The following BTG4 variants were observed in gnomAD, a reference collection of about 807,000 sequenced individuals.
The protein encoded by BTG4 is protein BTG4.
A neutral mutation model predicts 19.3 loss-of-function variants in BTG4; 10 were observed. The ratio of observed to expected loss-of-function variants is 0.52; its 90% confidence interval spans 0.32 to 0.88. The LOEUF (loss-of-function observed/expected upper bound fraction) is 0.88. Ranked by LOEUF, BTG4 falls within the 40% of genes least tolerant of loss-of-function variation. BTG4 has a pLI of 0.04. For missense variants in BTG4, 238 were observed against 281.9 expected (o/e 0.84, Z 1.11); for synonymous variants, 91 against 95.7 (o/e 0.95, Z 0.29).
the BTG4 span, among the ~76,000 whole-genome samples, chr11:111,442,581 A>G: frequency 6.6e-6 from 1 of 151,536 alleles, no homozygotes; most frequent in African/African-American, 2.4e-5. Flanking sequence ...TGCCAAAAAT[A>G]TAAGGAAGTA....
chr11:111,419,363 C>A, the BTG4 span, among the ~76,000 whole-genome samples: 24 of 152,372 alleles, frequency 1.6e-4, no homozygotes, highest in African/African-American at 4.3e-4. Context: ...CCTAGAGATA[C>A]AAAGCTTCAT....
At chr11:111,435,853 T>C in the BTG4 span, among the ~76,000 whole-genome samples, 2 of 152,128 alleles carry the variant, frequency 1.3e-5, no homozygotes, top group African/African-American at 4.8e-5. Context: ...CTCACTGACC[T>C]GGGCCTCAGA....
intron 5 of BTG4, among the ~76,000 whole-genome samples, chr11:111,471,130 C>T (rs1173099617): frequency 1.3e-5 from 2 of 152,122 alleles, no homozygotes; most frequent in Non-Finnish European, 2.9e-5. Flanking sequence ...TAGTGTCACT[C>T]GATCCACCCA....
At chr11:111,403,785 A>C in the BTG4 span, among the ~76,000 whole-genome samples, 1 of 152,220 alleles carries the variant, frequency 6.6e-6, no homozygotes. Flanking sequence ...TGGTGATGAC[A>C]GTATTGATGA....
At chr11:111,409,072 G>C in the BTG4 span, among the ~76,000 whole-genome samples, 1 of 152,214 alleles carries the variant, frequency 6.6e-6, no homozygotes, top group African/African-American at 2.4e-5. Context: ...AGGAGGAAGA[G>C]ATGGGAATGG....
chr11:111,473,480 T>C (rs1864205228), intron 5 of BTG4: 1 of 152,472 alleles, frequency 6.6e-6, no homozygotes, highest in South Asian at 2.1e-4. Context: ...ATGCCAACTA[T>C]TATTTATTAT....
chr11:111,434,467 A>T, the BTG4 span, among the ~76,000 whole-genome samples: 1 of 152,222 alleles, frequency 6.6e-6, no homozygotes, highest in Admixed American at 6.5e-5. Context: ...TGATGGGTGC[A>T]GCAAACCAAC....
At chr11:111,396,169 C>T in the BTG4 span, among the ~76,000 whole-genome samples, 8 of 152,238 alleles carry the variant, frequency 5.3e-5, no homozygotes, top group African/African-American at 1.7e-4. Context: ...TACATAAGAA[C>T]AGATTTTCTC....
At chr11:111,454,129 T>C in the BTG4 span, 1 of 364,572 alleles carries the variant, frequency 2.7e-6, no homozygotes, top group East Asian at 7.7e-5. Flanking sequence ...AGCAAGACTG[T>C]GCCTGGACTG....
the BTG4 span, among the ~76,000 whole-genome samples, chr11:111,430,036 C>G: frequency 6.6e-6 from 1 of 152,184 alleles, no homozygotes; most frequent in Non-Finnish European, 1.5e-5. Context: ...ACACAGCAAG[C>G]ACATCATAAT....
the BTG4 span, among the ~76,000 whole-genome samples, chr11:111,403,718 A>C: frequency 6.6e-6 from 1 of 152,184 alleles, no homozygotes; most frequent in African/African-American, 2.4e-5. Context: ...TTAACCAACA[A>C]GTCATTTGAA....
the BTG4 span, among the ~76,000 whole-genome samples, chr11:111,388,140 T>C: frequency 6.6e-6 from 1 of 152,204 alleles, no homozygotes; most frequent in East Asian, 1.9e-4. Context: ...ACCTGATATA[T>C]TTTTCTTATA....
chr11:111,444,288 G>T, the BTG4 span, among the ~76,000 whole-genome samples: 1 of 142,960 alleles, frequency 7.0e-6, no homozygotes, highest in African/African-American at 2.5e-5. Context: ...GAGAGAAGGG[G>T]AGGGGAAGGC....
the BTG4 span, among the ~76,000 whole-genome samples, chr11:111,401,299 T>C: frequency 2.6e-5 from 4 of 151,162 alleles, no homozygotes; most frequent in African/African-American, 4.9e-5. Context: ...ATCCTGTGAA[T>C]GGTGAAAACC....
the BTG4 span, among the ~76,000 whole-genome samples, chr11:111,446,081 C>T: frequency 6.6e-6 from 1 of 152,228 alleles, no homozygotes; most frequent in South Asian, 2.1e-4. Flanking sequence ...CAGAACATCC[C>T]TTAAGACCTC....
At chr11:111,486,298 C>A (rs11213925) in intron 5 of BTG4, among the ~76,000 whole-genome samples, 1 of 152,110 alleles carries the variant, frequency 6.6e-6, no homozygotes, top group Admixed American at 6.6e-5. Context: ...TAATCAGACA[C>A]GGTGGTGTGC....
chr11:111,456,539 A>C, the BTG4 span: 13 of 456,374 alleles, frequency 2.8e-5, no homozygotes, highest in Non-Finnish European at 5.3e-5. The surrounding 1 kb of genome is among the most constrained non-coding windows in gnomAD (Gnocchi z 4.2). Flanking sequence ...CCTGGTGCTG[A>C]TGACATCAGT....
At chr11:111,490,157 G>A (rs569822524), downstream of BTG4, among the ~76,000 whole-genome samples, 90 of 150,976 alleles carry the variant, frequency 6.0e-4, 1 homozygote, top group African/African-American at 2.0e-3. Flanking sequence ...TGGCGGGCAC[G>A]TGCTACTCGG....
chr11:111,474,602 G>A (rs935099309), intron 5 of BTG4, among the ~76,000 whole-genome samples: 1 of 152,044 alleles, frequency 6.6e-6, no homozygotes, highest in African/African-American at 2.4e-5. Flanking sequence ...GTATTTTCCA[G>A]TTTGGGATTA....
Sources: gnomAD v4.1 joint callset for allele counts (sites outside exome capture counted in the v4.1 genomes callset) on GRCh38, gnomAD v4.1.1 for gene constraint, Gnocchi (gnomAD v3.1) non-coding constraint, MANE v1.5 for transcripts, NCBI Gene and HGNC (gene_info 2026-07-23, HGNC 2026-07-21) for gene names.